Variants in TCF12 observed in about 807,000 individuals in gnomAD.
TCF12 encodes transcription factor 12, also known as DNA-binding protein HTF4.
TCF12 carries 45 observed loss-of-function variants against 86.0 expected under a neutral mutation model. The observed-to-expected ratio is 0.52, with a 90% CI of 0.41 to 0.67. The LOEUF (loss-of-function observed/expected upper bound fraction) is 0.67, where lower values mean the gene tolerates loss of function less well. TCF12 is among the 30% of genes least tolerant of loss of function. The probability of loss-of-function intolerance (pLI) is 0.00; values close to 1 mark genes in which losing one functional copy is unlikely to be tolerated. For missense variants in TCF12, 881 were observed against 859.9 expected (o/e 1.02, Z -0.31); for synonymous variants, 330 against 299.6 (o/e 1.10, Z -1.05).
intron 3 of TCF12, among the ~76,000 whole-genome samples, chr15:56,964,098 A>G (rs2061894533): frequency 6.6e-6 from 1 of 152,222 alleles, no homozygotes; most frequent in African/African-American, 2.4e-5. Flanking sequence ...GTTCCACCTC[A>G]GTGCTAATTT....
chr15:57,085,819 A>G (rs563146382), intron 4 of TCF12, among the ~76,000 whole-genome samples: 23 of 152,258 alleles, frequency 1.5e-4, no homozygotes, highest in Admixed American at 1.4e-3. Context: ...CTGATGGCTT[A>G]TGGGTTTTGG....
At chr15:57,161,908 T>A (rs2054531318) in intron 5 of TCF12, among the ~76,000 whole-genome samples, 1 of 152,232 alleles carries the variant, frequency 6.6e-6, no homozygotes, top group South Asian at 2.1e-4. Context: ...GTGAGGTTTT[T>A]AAAAGAACAT....
At chr15:57,200,861 G>T (rs1164359137) in intron 8 of TCF12, among the ~76,000 whole-genome samples, 3 of 152,140 alleles carry the variant, frequency 2.0e-5, no homozygotes, top group Non-Finnish European at 4.4e-5. Context: ...TATCATTAGA[G>T]CAGTATAGTC....
chr15:57,108,684 G>A (rs2050292971), intron 5 of TCF12, among the ~76,000 whole-genome samples: 1 of 151,322 alleles, frequency 6.6e-6, no homozygotes, highest in African/African-American at 2.4e-5. Flanking sequence ...ATTGTTGGGG[G>A]GTAGGAGTGG....
At chr15:57,131,803 T>C (rs1255084288) in intron 5 of TCF12, among the ~76,000 whole-genome samples, 2 of 152,250 alleles carry the variant, frequency 1.3e-5, no homozygotes, top group South Asian at 2.1e-4. Context: ...CTCATTGTTA[T>C]AATTTCATCT....
At chr15:56,989,777 T>C (rs577114867) in intron 3 of TCF12, among the ~76,000 whole-genome samples, 1 of 152,272 alleles carries the variant, frequency 6.6e-6, no homozygotes, top group South Asian at 2.1e-4. Context: ...TGATGCACCC[T>C]CTTCAGGAAA....
At chr15:57,170,735 ATAATATATAT>A (rs1296669094) in intron 6 of TCF12, among the ~76,000 whole-genome samples, 13 of 2,868 alleles carry the variant, frequency 4.5e-3, no homozygotes, top group African/African-American at 9.5e-3. Context: ...TATATTATAT[ATAATATATAT>A]TATATATTAT....
At chr15:57,272,376 C>T (rs1451608145) in intron 18 of TCF12, among the ~76,000 whole-genome samples, 1 of 152,186 alleles carries the variant, frequency 6.6e-6, no homozygotes, top group African/African-American at 2.4e-5. Flanking sequence ...TCATTTCTCC[C>T]ATGTTTTATA....
chr15:56,955,790 A>G (rs2061484725), intron 3 of TCF12, among the ~76,000 whole-genome samples: 2 of 151,596 alleles, frequency 1.3e-5, no homozygotes, highest in Non-Finnish European at 2.9e-5. Flanking sequence ...GTTCTTTTTT[A>G]TTTTCTGTTT....
At chr15:56,991,755 C>T (rs1360866291) in intron 3 of TCF12, among the ~76,000 whole-genome samples, 3 of 152,104 alleles carry the variant, frequency 2.0e-5, no homozygotes, top group African/African-American at 7.2e-5. Context: ...AAATACTCTT[C>T]TGTCAGAACT....
At chr15:57,073,054 G>A (rs1470808058) in intron 4 of TCF12, among the ~76,000 whole-genome samples, 1 of 152,114 alleles carries the variant, frequency 6.6e-6, no homozygotes, top group East Asian at 1.9e-4. Context: ...GACAATTAAA[G>A]CTTCTGTTTT....
chr15:57,174,214 C>T (rs2055743173), intron 6 of TCF12, among the ~76,000 whole-genome samples: 1 of 152,166 alleles, frequency 6.6e-6, no homozygotes, highest in Non-Finnish European at 1.5e-5. Flanking sequence ...CAGTAATACT[C>T]AAACAACACG....
intron 3 of TCF12, among the ~76,000 whole-genome samples, chr15:57,024,904 T>C (rs1276997791): frequency 6.6e-6 from 1 of 152,212 alleles, no homozygotes; most frequent in Admixed American, 6.5e-5. Context: ...AGGTAAATCC[T>C]ACATTAAAAT....
intron 4 of TCF12, among the ~76,000 whole-genome samples, chr15:57,079,812 T>C (rs2070469665): frequency 6.6e-6 from 1 of 152,182 alleles, no homozygotes; most frequent in African/African-American, 2.4e-5. Flanking sequence ...GAGGGTAGTG[T>C]ATTTAGAATT....
At chr15:57,178,108 G>A (rs1567573779) in intron 6 of TCF12, among the ~76,000 whole-genome samples, 1 of 152,174 alleles carries the variant, frequency 6.6e-6, no homozygotes, top group Non-Finnish European at 1.5e-5. Context: ...ACAGAAAAAA[G>A]AGGTGACAAC....
chr15:57,108,992 G>A (rs1284071275), intron 5 of TCF12, among the ~76,000 whole-genome samples: 2 of 152,170 alleles, frequency 1.3e-5, no homozygotes, highest in South Asian at 2.1e-4. Flanking sequence ...TAGTGTTAGT[G>A]TGGATGAGTC....
chr15:57,133,657 A>G (rs1443741515), intron 5 of TCF12, among the ~76,000 whole-genome samples: 1 of 151,414 alleles, frequency 6.6e-6, no homozygotes, highest in Non-Finnish European at 1.5e-5. Flanking sequence ...GTGAATAGCA[A>G]GTGCTGGCTG....
intron 3 of TCF12, among the ~76,000 whole-genome samples, chr15:57,013,891 G>T (rs1273769750): frequency 6.6e-6 from 1 of 152,134 alleles, no homozygotes; most frequent in Non-Finnish European, 1.5e-5. Flanking sequence ...AATGTATCCA[G>T]TGAAATCTAA....
At chr15:57,195,574 T>C (rs1183369707) in intron 7 of TCF12, among the ~76,000 whole-genome samples, 1 of 152,240 alleles carries the variant, frequency 6.6e-6, no homozygotes, top group Non-Finnish European at 1.5e-5. Flanking sequence ...GGCTTGCCTC[T>C]TGGGGTCAGA....
Sources: gnomAD v4.1 joint callset for allele counts (sites outside exome capture counted in the v4.1 genomes callset) on GRCh38, gnomAD v4.1.1 for gene constraint, MANE v1.5 for transcripts, NCBI Gene and HGNC (gene_info 2026-07-23, HGNC 2026-07-21) for gene names.